Variants in JPT2 observed in about 807,000 individuals in gnomAD.
The protein encoded by JPT2 is Jupiter microtubule associated homolog 2, also known as CRAMP_1 like.
JPT2 carries 9 observed loss-of-function variants against 15.9 expected under a neutral mutation model. That is an observed-to-expected ratio of 0.57 (90% CI 0.34 to 0.99). The LOEUF is 0.99. Among genes scored for constraint, JPT2 ranks in the 50% least tolerant of loss-of-function variants. The pLI is 0.02. For synonymous variants in JPT2, 95 were observed against 91.7 expected, an observed-to-expected ratio of 1.04 and a Z score of -0.21; for missense variants, 267 against 252.1, an observed-to-expected ratio of 1.06 and a Z score of -0.40.
intron 2 of JPT2, 99 bp from the exon 3 acceptor site, chr16:1,691,744 G>T: frequency 5.6e-6 from 8 of 1,418,974 alleles, no homozygotes; most frequent in Non-Finnish European, 3.8e-6. Flanking sequence ...TGGCACTCGG[G>T]GTTCCTATGA....
At position 1,701,571 on chromosome 16, in the gene JPT2, AG is replaced by A. The variant is rs2037180398; in HGVS notation, c.*2574del. 6.6e-6 allele frequency: 1 copy of A among 152,084 alleles called. No individual in the cohort carries two copies. The highest frequency in any genetic ancestry group is 2.4e-5 in the African/African-American group (1 of 41,388). 9.4% of individuals were successfully genotyped at this position (152,084 alleles called of 1,614,324 possible). A position where few individuals can be genotyped will look rare whatever the true frequency, so the allele number is the denominator to read the frequency against. On this transcript the variant is annotated 3_prime_UTR_variant, in exon 5 of 5. Transcript: ENST00000248098. ...TCTTCTCAAAGCTTTGAGTAGAGTAAGTGTGGGAATAAGCCAGTTTTTTTTT... is the reference window on the plus strand; with the variant it reads ...TCTTCTCAAAGCTTTGAGTAGAGTAATGTGGGAATAAGCCAGTTTTTTTTT...
rs142558533 is a variant in JPT2, at chr16:1,698,852, G to A, written c.427G>A (p.Gly143Ser). The change falls in exon 5 of 5, where the codon GGC becomes AGC. Residue 143 changes from glycine to serine, a missense_variant. Physicochemically the swap from Gly to Ser is moderately conservative, Grantham distance 56. Coordinates refer to ENST00000248098, the MANE Select transcript of JPT2 (RefSeq NM_144570.3). This position sits in a 1 kb window ranked among gnomAD's most constrained non-coding sequence, Gnocchi z 4.9. ...GGCTGGAGCAGAGCCAGGTGAGAAA[G>A]GCAGCGCCAGAAAAGCAGGCCCCGC... ...IPAGAEPGEK[G>S]SARKAGPAKE... is the part of the protein sequence containing the mutation. 3,726 of 1,614,014 alleles carry A rather than the reference G, an allele frequency of 2.3e-3. 5 individuals carry two copies. Among genetic ancestry groups the A allele is most frequent in the Non-Finnish European group, 2.8e-3 (3,354 of 1,180,024 alleles).
At position 1,683,320 on chromosome 16, in the gene JPT2, A is replaced by G. The variant is rs184537265; in HGVS notation, c.45-2119A>G. Among the ~76,000 whole-genome samples the G allele has an allele frequency of 4.2e-4, 63 of 151,702 alleles. 1 individual carries two copies. The East Asian group carries it at 6.0e-3, about 15-fold the overall frequency. ...AGAGACAGGGTCTCCCCATATGCCC[A>G]GGCGTGTCTCGAACTCCTGGGCTCA... is the stretch of plus-strand genomic sequence containing the variant. On this transcript the variant is annotated intron_variant, in intron 1 of 4. Coordinates refer to ENST00000248098, the MANE Select transcript of JPT2 (RefSeq NM_144570.3).
intron 1 of JPT2, among the ~76,000 whole-genome samples, chr16:1,679,852 C>T (rs1030783461): frequency 3.9e-5 from 6 of 151,978 alleles, no homozygotes; most frequent in Non-Finnish European, 7.4e-5. Context: ...ATCAGGAGAT[C>T]GAGACCATCC....
intron 1 of JPT2, among the ~76,000 whole-genome samples, chr16:1,678,767 C>T (rs867898334): frequency 2.0e-5 from 3 of 149,730 alleles, no homozygotes; most frequent in South Asian, 4.2e-4. Context: ...GTCCATGTTC[C>T]CGGGGGGGTG....
chr16:1,695,074 C>A (rs1344431842), intron 3 of JPT2, among the ~76,000 whole-genome samples: 1 of 152,152 alleles, frequency 6.6e-6, no homozygotes, highest in East Asian at 1.9e-4. Context: ...CCAGCCTGGA[C>A]AACATAGAGA....
intron 1 of JPT2, chr16:1,683,478 C>CTTTTTT: frequency 1.4e-6 from 2 of 1,413,020 alleles, no homozygotes; most frequent in Non-Finnish European, 1.9e-6. Flanking sequence ...GTGCACCTGT[C>CTTTTTT]TTTTTTTTTC....
chr16:1,702,504 C>G (rs533745284), downstream of JPT2, among the ~76,000 whole-genome samples: 159 of 152,344 alleles, frequency 1.0e-3, no homozygotes, highest in African/African-American at 3.6e-3. Context: ...GAATAACAGA[C>G]CCCGAAGGGT....
intron 3 of JPT2, among the ~76,000 whole-genome samples, chr16:1,693,857 C>G (rs2037122319): frequency 6.6e-6 from 1 of 151,752 alleles, no homozygotes; most frequent in Non-Finnish European, 1.5e-5. Context: ...GAAGAGCAGC[C>G]ATGGGGCCAG....
At chr16:1,696,152 C>T (rs966232677) in intron 3 of JPT2, among the ~76,000 whole-genome samples, 7 of 152,162 alleles carry the variant, frequency 4.6e-5, no homozygotes, top group Admixed American at 1.3e-4. Context: ...TCAACTGAAC[C>T]TGGGAGGCTG....
chr16:1,679,985 G>A (rs1015381587), intron 1 of JPT2, among the ~76,000 whole-genome samples: 2 of 150,298 alleles, frequency 1.3e-5, no homozygotes, highest in African/African-American at 4.9e-5. Context: ...TGTGAACCCG[G>A]GAGGCGGAGC....
chr16:1,688,903 T>C (rs550598334), intron 2 of JPT2: 7 of 152,246 alleles, frequency 4.6e-5, no homozygotes, highest in African/African-American at 7.2e-5. Flanking sequence ...TACCTAGTTA[T>C]GAAGGTTAAA....
intron 1 of JPT2, 107 bp from the exon 2 acceptor site, chr16:1,685,327 CAAAAA>C (rs2037056251): frequency 8.1e-7 from 1 of 1,240,364 alleles, no homozygotes; most frequent in African/African-American, 1.5e-5. Flanking sequence ...GACCTTGTCT[CAAAAA>C]GAAAAAAACA....
In JPT2 at chr16:1,698,891, C is replaced by A; in HGVS notation, c.466C>A (p.Pro156Thr). 1 of 1,614,240 alleles carries A rather than the reference C, an allele frequency of 6.2e-7. No individual in the cohort carries two copies. Among genetic ancestry groups the A allele is most frequent in the Non-Finnish European group, 8.5e-7 (1 of 1,180,036 alleles). The change falls in exon 5 of 5, where the codon CCC becomes ACC. Residue 156 changes from proline (P) to threonine (T), a missense_variant. Coordinates refer to ENST00000248098, the MANE Select transcript of JPT2 (RefSeq NM_144570.3). This position sits in a 1 kb window ranked among gnomAD's most constrained non-coding sequence, Gnocchi z 4.9. Reference sequence around the variant, plus strand: ...AGCAGGCCCCGCCAAGGAGCAGGAGCCCATGCCCACAGTCGACAGCCATGA... The same window carrying A: ...AGCAGGCCCCGCCAAGGAGCAGGAGACCATGCCCACAGTCGACAGCCATGA... ...RKAGPAKEQE[P>T]MPTVDSHEPR... is the part of the protein sequence containing the mutation.
At chr16:1,680,619 G>A in intron 1 of JPT2, 6 of 597,038 alleles carry the variant, frequency 1.0e-5, no homozygotes, top group Non-Finnish European at 1.3e-5. Context: ...GCTGTGAAGC[G>A]AGTCAGGTGG....
At chr16:1,678,398 C>T in intron 1 of JPT2, 42 bp downstream of exon 1, 4 of 1,225,920 alleles carry the variant, frequency 3.3e-6, no homozygotes, top group East Asian at 3.2e-5. Context: ...ATAGCGCGAC[C>T]ACGTGGCGGG....
chr16:1,694,031 C>T (rs1330606634), intron 3 of JPT2, among the ~76,000 whole-genome samples: 2 of 152,080 alleles, frequency 1.3e-5, no homozygotes, highest in Admixed American at 6.6e-5. Context: ...GGGCAGATGA[C>T]AGAAGGGGGC....
At chr16:1,682,952 A>T (rs1938274432) in intron 1 of JPT2, among the ~76,000 whole-genome samples, 1 of 151,926 alleles carries the variant, frequency 6.6e-6, no homozygotes, top group African/African-American at 2.4e-5. Flanking sequence ...ACAGGCGCAT[A>T]CCACCACACC....
At chr16:1,697,249 C>G (rs917915698) in intron 3 of JPT2, among the ~76,000 whole-genome samples, 24 of 152,226 alleles carry the variant, frequency 1.6e-4, no homozygotes, top group Non-Finnish European at 2.8e-4. Flanking sequence ...CACAGTGGCT[C>G]ACGCCTATAA....
Sources: allele counts gnomAD v4.1 joint callset (sites outside exome capture counted in the v4.1 genomes callset), GRCh38; gene constraint gnomAD v4.1.1; non-coding constraint Gnocchi (gnomAD v3.1); transcripts MANE v1.5; gene names NCBI Gene and HGNC (gene_info 2026-07-23, HGNC 2026-07-21).